TMCO5A: variants seen among roughly 807,000 people sequenced by gnomAD.
The protein encoded by TMCO5A is transmembrane and coiled-coil domain-containing protein 5A.
Under a neutral mutation model 42.3 loss-of-function variants are expected in TMCO5A, and 34 were observed. That is an observed-to-expected ratio of 0.80 (90% CI 0.61 to 1.07). The LOEUF (loss-of-function observed/expected upper bound fraction) is 1.07. Among genes scored for constraint, TMCO5A ranks in the 50% least tolerant of loss-of-function variants. The probability of loss-of-function intolerance (pLI) is 0.00; values close to 1 mark genes in which losing one functional copy is unlikely to be tolerated. For missense variants in TMCO5A, 357 were observed against 327.9 expected, an observed-to-expected ratio of 1.09 and a Z score of -0.69; for synonymous variants, 131 against 115.6, an observed-to-expected ratio of 1.13 and a Z score of -0.86.
the TMCO5A span, among the ~76,000 whole-genome samples, chr15:38,007,101 T>C: frequency 6.6e-6 from 1 of 152,228 alleles, no homozygotes; most frequent in Non-Finnish European, 1.5e-5. Context: ...AAAAATGCCA[T>C]AACTATTCTT....
chr15:37,974,228 GT>G, the TMCO5A span, among the ~76,000 whole-genome samples: 2 of 152,010 alleles, frequency 1.3e-5, no homozygotes, highest in Non-Finnish European at 2.9e-5. Context: ...CTTTCCTTTT[GT>G]TCTTTCTGTG....
downstream of TMCO5A, among the ~76,000 whole-genome samples, chr15:37,968,582 C>CT (rs61091144): frequency 0.037 from 4,911 of 131,122 alleles, 228 homozygotes; most frequent in African/African-American, 0.1. Context: ...TTCTACATTT[C>CT]TTTTTTTTTT....
At chr15:37,951,701 G>C (rs937132819), downstream of TMCO5A, among the ~76,000 whole-genome samples, 1 of 151,918 alleles carries the variant, frequency 6.6e-6, no homozygotes, top group African/African-American at 2.4e-5. Context: ...GAATAAATAA[G>C]CCAGGCAAGA....
At chr15:37,966,863 G>A (rs1200882645) in exon 12 of TMCO5A, 1 of 587,206 alleles carries the variant, frequency 1.7e-6, no homozygotes, top group Non-Finnish European at 3.0e-6. Flanking sequence ...CCCTTACTAA[G>A]GATTAAGAGC....
the TMCO5A span, among the ~76,000 whole-genome samples, chr15:37,979,008 G>A: frequency 6.6e-6 from 1 of 151,756 alleles, no homozygotes; most frequent in Admixed American, 6.6e-5. Flanking sequence ...AGAGTACCAA[G>A]GGGGAAATCC....
chr15:37,981,400 T>G, the TMCO5A span, among the ~76,000 whole-genome samples: 3 of 152,182 alleles, frequency 2.0e-5, no homozygotes, highest in African/African-American at 7.2e-5. Context: ...CCACTTTATG[T>G]GCTTTTATTT....
the TMCO5A span, among the ~76,000 whole-genome samples, chr15:37,980,243 C>G: frequency 1.3e-5 from 2 of 152,174 alleles, no homozygotes; most frequent in Admixed American, 6.5e-5. Flanking sequence ...CCTGTCGATT[C>G]AGCCTCTATC....
chr15:38,040,119 C>G, the TMCO5A span: 1 of 152,242 alleles, frequency 6.6e-6, no homozygotes, highest in Non-Finnish European at 1.5e-5. Context: ...AGGAGAGTCT[C>G]CAGTCTACCA....
At chr15:38,008,863 G>A in the TMCO5A span, among the ~76,000 whole-genome samples, 1 of 152,150 alleles carries the variant, frequency 6.6e-6, no homozygotes, top group African/African-American at 2.4e-5. Context: ...CACCTGTGCA[G>A]GCATGTCACA....
chr15:38,037,840 C>T, the TMCO5A span, among the ~76,000 whole-genome samples: 2 of 151,928 alleles, frequency 1.3e-5, no homozygotes, highest in East Asian at 3.9e-4. Flanking sequence ...TGGTGAAACC[C>T]CATCTCTACT....
the TMCO5A span, among the ~76,000 whole-genome samples, chr15:38,019,683 C>G: frequency 2.0e-5 from 3 of 152,134 alleles, no homozygotes; most frequent in South Asian, 6.2e-4. Flanking sequence ...TCATAGCTCA[C>G]TGCAGCCTCA....
the TMCO5A span, among the ~76,000 whole-genome samples, chr15:38,019,868 T>G: frequency 1.3e-5 from 2 of 151,798 alleles, no homozygotes; most frequent in African/African-American, 4.8e-5. Flanking sequence ...CTAGCCTCTG[T>G]CTCCCAAAGC....
chr15:38,033,319 CA>C, the TMCO5A span, among the ~76,000 whole-genome samples: 1 of 152,122 alleles, frequency 6.6e-6, no homozygotes. Flanking sequence ...GCGTTAGAAC[CA>C]GCCTTTCTCA....
the TMCO5A span, among the ~76,000 whole-genome samples, chr15:38,023,204 C>T: frequency 6.6e-6 from 1 of 152,110 alleles, no homozygotes; most frequent in Non-Finnish European, 1.5e-5. Flanking sequence ...GATCATGATA[C>T]AAAATAGAGT....
the TMCO5A span, among the ~76,000 whole-genome samples, chr15:38,011,125 C>A: frequency 1.3e-5 from 2 of 152,202 alleles, no homozygotes; most frequent in African/African-American, 4.8e-5. Flanking sequence ...ATCTGTGGGT[C>A]AGGAACCTGG....
the TMCO5A span, among the ~76,000 whole-genome samples, chr15:38,036,381 A>C: frequency 1.3e-5 from 2 of 152,034 alleles, no homozygotes; most frequent in Non-Finnish European, 2.9e-5. Flanking sequence ...TATTGGTACA[A>C]AATCAAGTCA....
the TMCO5A span, among the ~76,000 whole-genome samples, chr15:38,035,332 A>C: frequency 2.0e-5 from 3 of 152,188 alleles, no homozygotes; most frequent in Non-Finnish European, 4.4e-5. Flanking sequence ...CCAAGGCCTA[A>C]ATATAGTGCC....
chr15:37,998,937 G>A, the TMCO5A span, among the ~76,000 whole-genome samples: 10 of 151,506 alleles, frequency 6.6e-5, no homozygotes, highest in African/African-American at 9.7e-5. Flanking sequence ...ATGGAGTTTC[G>A]CTCTTGTTGC....
chr15:37,977,446 C>A, the TMCO5A span, among the ~76,000 whole-genome samples: 4,071 of 152,210 alleles, frequency 0.027, 212 homozygotes, highest in African/African-American at 0.094. Context: ...TAGCTGAATT[C>A]TTGTCCTTGG....
Sources: gnomAD v4.1 joint callset for allele counts (sites outside exome capture counted in the v4.1 genomes callset) on GRCh38, gnomAD v4.1.1 for gene constraint, MANE v1.5 for transcripts, NCBI Gene and HGNC (gene_info 2026-07-23, HGNC 2026-07-21) for gene names.